Variants in DLGAP2 observed in about 807,000 individuals in gnomAD.
The protein encoded by DLGAP2 is disks large-associated protein 2.
A neutral mutation model predicts 100.3 loss-of-function variants in DLGAP2; 26 were observed. The ratio of observed to expected loss-of-function variants is 0.26; its 90% CI spans 0.19 to 0.36. DLGAP2 has a LOEUF of 0.36. Ranked by LOEUF, DLGAP2 falls within the 10% of genes least tolerant of loss-of-function variation. The probability of loss-of-function intolerance (pLI) is 1.00; values close to 1 mark genes in which losing one functional copy is unlikely to be tolerated. For synonymous variants in DLGAP2, 886 were observed against 630.1 expected (o/e 1.41, Z -6.08); for missense variants, 1,858 against 1,453.2 (o/e 1.28, Z -4.53).
intron 3 of DLGAP2, among the ~76,000 whole-genome samples, chr8:1,463,161 A>C (rs1798508613): frequency 6.6e-6 from 1 of 152,182 alleles, no homozygotes; most frequent in Non-Finnish European, 1.5e-5. Context: ...AGGCAGGAGA[A>C]TCGCTTGAAT....
chr8:1,575,994 G>A (rs1802958423), intron 6 of DLGAP2, among the ~76,000 whole-genome samples: 1 of 152,260 alleles, frequency 6.6e-6, no homozygotes, highest in Admixed American at 6.5e-5. Flanking sequence ...GTAATGGGAT[G>A]GCTGGGTCAA....
chr8:960,249 T>TTTTTTTTTTTTTTTTTTTTTTTTA, intron 2 of DLGAP2, among the ~76,000 whole-genome samples: 1 of 138,844 alleles, frequency 7.2e-6, no homozygotes, highest in South Asian at 2.5e-4. Context: ...TTTTTTTTTT[T>TTTTTTTTTTTTTTTTTTTTTTTTA]TTTCCCGAGA....
chr8:818,126 A>C (rs968392184), intron 1 of DLGAP2, among the ~76,000 whole-genome samples: 4 of 152,156 alleles, frequency 2.6e-5, no homozygotes, highest in Non-Finnish European at 4.4e-5. Context: ...GGTGAGGGGC[A>C]GGGACAGGCA....
At chr8:1,007,531 G>A (rs982531751) in intron 2 of DLGAP2, among the ~76,000 whole-genome samples, 2 of 151,984 alleles carry the variant, frequency 1.3e-5, no homozygotes, top group African/African-American at 4.8e-5. Flanking sequence ...GGCAAGGCCA[G>A]CGGATGTACA....
At chr8:1,336,451 T>C (rs1801275697) in intron 3 of DLGAP2, among the ~76,000 whole-genome samples, 2 of 152,190 alleles carry the variant, frequency 1.3e-5, no homozygotes, top group South Asian at 4.1e-4. Flanking sequence ...TCTGGGCTCT[T>C]TCCCTCGTCT....
At chr8:1,443,647 C>T (rs1797901656) in intron 3 of DLGAP2, among the ~76,000 whole-genome samples, 1 of 152,176 alleles carries the variant, frequency 6.6e-6, no homozygotes, top group African/African-American at 2.4e-5. Context: ...GCAGCAAAGT[C>T]ACATCTTACA....
chr8:875,832 A>G (rs915852582), intron 1 of DLGAP2, among the ~76,000 whole-genome samples: 1 of 152,078 alleles, frequency 6.6e-6, no homozygotes, highest in Non-Finnish European at 1.5e-5. Flanking sequence ...TTTCCCATAT[A>G]TGTTTTAGCT....
In DLGAP2 at chr8:1,628,406, A is replaced by G. The variant is rs113102147; in HGVS notation, c.1590+1519A>G. Among the ~76,000 whole-genome samples the G allele has an allele frequency of 4.2e-4, 48 of 115,246 alleles. 1 individual carries two copies. The highest frequency in any genetic ancestry group is 5.4e-4 in the East Asian group (2 of 3,698). 75.6% of individuals were successfully genotyped at this position (115,246 alleles called of 152,430 possible). A position where few individuals can be genotyped will look rare whatever the true frequency, so the allele number is the denominator to read the frequency against. ...TCTCTCTGACTTACTGTGGAGCAGG[A>G]ATTAAGAGCTTGAGCCGACCTCACA... is the stretch of plus-strand genomic sequence containing the variant. On this transcript the variant is annotated intron_variant, in intron 7 of 14. Transcript: ENST00000637795.
intron 1 of DLGAP2, among the ~76,000 whole-genome samples, chr8:896,769 G>T (rs896648362): frequency 2.0e-5 from 3 of 152,290 alleles, no homozygotes; most frequent in Admixed American, 6.5e-5. Flanking sequence ...GCAGCCTCCA[G>T]AACTGTGAGA....
At chr8:1,599,465 AG>A (rs1796557334) in intron 6 of DLGAP2, among the ~76,000 whole-genome samples, 1 of 152,146 alleles carries the variant, frequency 6.6e-6, no homozygotes, top group Non-Finnish European at 1.5e-5. Context: ...GAGGTGTGAA[AG>A]TCTCCCATTA....
chr8:941,095 G>A (rs1799185847), intron 2 of DLGAP2, among the ~76,000 whole-genome samples: 1 of 152,172 alleles, frequency 6.6e-6, no homozygotes, highest in South Asian at 2.1e-4. Context: ...CCAGAGAACA[G>A]GCCCTTTCCC....
chr8:1,454,380 CA>C (rs1798247018), intron 3 of DLGAP2, among the ~76,000 whole-genome samples: 1 of 151,622 alleles, frequency 6.6e-6, no homozygotes, highest in South Asian at 2.1e-4. Context: ...CTTTTCTCTA[CA>C]CTGAAACTAC....
intron 2 of DLGAP2, among the ~76,000 whole-genome samples, chr8:1,205,143 C>A (rs1035907614): frequency 6.6e-6 from 1 of 152,150 alleles, no homozygotes. Context: ...CGTCCCTTGT[C>A]CTGGAAAGGT....
intron 3 of DLGAP2, among the ~76,000 whole-genome samples, chr8:1,323,691 A>C (rs922597979): frequency 6.6e-6 from 1 of 152,180 alleles, no homozygotes; most frequent in Admixed American, 6.5e-5. Context: ...ATTCTAGAAC[A>C]ATCCCAAACT....
intron 3 of DLGAP2, among the ~76,000 whole-genome samples, chr8:1,494,485 C>G (rs1218530851): frequency 6.6e-6 from 1 of 152,218 alleles, no homozygotes; most frequent in East Asian, 1.9e-4. Context: ...AATCCCAGCA[C>G]TTTGGGAGGC....
intron 2 of DLGAP2, among the ~76,000 whole-genome samples, chr8:1,001,614 G>T (rs972717073): frequency 6.6e-6 from 1 of 152,156 alleles, no homozygotes; most frequent in Non-Finnish European, 1.5e-5. Flanking sequence ...GCAAAACAGA[G>T]GTAATATTTT....
intron 2 of DLGAP2, among the ~76,000 whole-genome samples, chr8:1,036,535 C>T (rs1364333649): frequency 1.3e-5 from 2 of 152,292 alleles, no homozygotes; most frequent in Non-Finnish European, 2.9e-5. Context: ...CGCTGTCCCT[C>T]AGGTGCTGGT....
At chr8:1,418,577 C>T (rs1175935622) in intron 3 of DLGAP2, among the ~76,000 whole-genome samples, 2 of 152,200 alleles carry the variant, frequency 1.3e-5, no homozygotes, top group African/African-American at 2.4e-5. Flanking sequence ...ATTCACACGA[C>T]ACTCCACTCC....
chr8:820,012 C>T (rs1796555043), intron 1 of DLGAP2, among the ~76,000 whole-genome samples: 1 of 152,110 alleles, frequency 6.6e-6, no homozygotes, highest in Non-Finnish European at 1.5e-5. Context: ...AAAAAATGAA[C>T]CATGAGAGTT....
Sources: allele counts gnomAD v4.1 joint callset (sites outside exome capture counted in the v4.1 genomes callset), GRCh38; gene constraint gnomAD v4.1.1; transcripts MANE v1.5; gene names NCBI Gene and HGNC (gene_info 2026-07-23, HGNC 2026-07-21).